Variants in MACO1 observed in about 807,000 individuals in gnomAD.
MACO1 encodes the protein macoilin.
In MACO1, 14 loss-of-function variants were observed where a neutral mutation model predicts 78.7. That is an observed-to-expected ratio of 0.18 (90% CI 0.12 to 0.28). The LOEUF is 0.28. Ranked by LOEUF, MACO1 falls within the 10% of genes least tolerant of loss-of-function variation. The pLI is 1.00. For missense variants in MACO1, 501 were observed against 799.0 expected (o/e 0.63, Z 4.50); for synonymous variants, 288 against 291.6 (o/e 0.99, Z 0.12).
intron 9 of MACO1, 156 bp from the exon 10 acceptor site, chr1:25,491,254 A>G (rs1176906337): frequency 2.5e-6 from 1 of 392,766 alleles, no homozygotes; most frequent in African/African-American, 2.2e-5. Flanking sequence ...TGCCATATAA[A>G]CACATTTAGC....
At chr1:25,479,449 T>C (rs1173613062) in intron 6 of MACO1, among the ~76,000 whole-genome samples, 1 of 152,212 alleles carries the variant, frequency 6.6e-6, no homozygotes, top group African/African-American at 2.4e-5. Context: ...AGTCTCTCTC[T>C]GTCGCCCAGA....
At chr1:25,444,352 A>G (rs2042997822) in intron 1 of MACO1, among the ~76,000 whole-genome samples, 1 of 149,950 alleles carries the variant, frequency 6.7e-6, no homozygotes, top group Non-Finnish European at 1.5e-5. Context: ...TTCCTACCTC[A>G]GCCTCCCAAA....
intron 1 of MACO1, among the ~76,000 whole-genome samples, chr1:25,437,411 CCT>C (rs1266354533): frequency 6.6e-6 from 1 of 150,570 alleles, no homozygotes; most frequent in East Asian, 2.0e-4. Flanking sequence ...CTCACCTTGA[CCT>C]CTCAAAGTAC....
intron 1 of MACO1, among the ~76,000 whole-genome samples, chr1:25,433,569 C>T (rs2042894243): frequency 6.6e-6 from 1 of 152,132 alleles, no homozygotes; most frequent in Non-Finnish European, 1.5e-5. Context: ...ATAGCCAAAC[C>T]TTTCATGGAC....
intron 3 of MACO1, 98 bp from the exon 4 acceptor site, chr1:25,454,161 T>C: frequency 3.7e-6 from 5 of 1,337,192 alleles, no homozygotes; most frequent in Non-Finnish European, 4.9e-6. Flanking sequence ...GTGAAGGTCT[T>C]AATGAAAGTT....
chr1:25,446,305 T>G (rs1479450197), intron 1 of MACO1, among the ~76,000 whole-genome samples: 1 of 152,188 alleles, frequency 6.6e-6, no homozygotes, highest in Non-Finnish European at 1.5e-5. Flanking sequence ...CAGAATTCTT[T>G]AAGCATGTAA....
intron 1 of MACO1, among the ~76,000 whole-genome samples, chr1:25,446,440 TGA>T (rs1181687346): frequency 2.0e-5 from 3 of 152,226 alleles, no homozygotes; most frequent in African/African-American, 7.2e-5. Flanking sequence ...GCTGTAATTT[TGA>T]GAGTGTTGCA....
intron 6 of MACO1, among the ~76,000 whole-genome samples, chr1:25,483,561 C>T (rs770771378): frequency 5.3e-5 from 8 of 152,150 alleles, no homozygotes; most frequent in East Asian, 1.9e-4. Context: ...TATTGAGTCT[C>T]GTGAGCTCTT....
intron 6 of MACO1, among the ~76,000 whole-genome samples, chr1:25,471,341 C>CAAA (rs34002682): frequency 1.6e-5 from 2 of 125,156 alleles, no homozygotes; most frequent in Non-Finnish European, 3.6e-5. Context: ...TCTGTCTCAA[C>CAAA]AAAAAAAAAA....
Position 25,485,548 on chromosome 1 carries a change from T to G in MACO1, c.1314-65T>G. 6.6e-7 allele frequency: 1 copy of G among 1,515,130 alleles called. No homozygotes were observed. Among genetic ancestry groups the G allele is most frequent in the South Asian group, 1.3e-5 (1 of 78,394 alleles). The allele number at this position is 1,515,130 out of a possible 1,614,324, so 93.9% of individuals were successfully genotyped here. On this transcript the variant is annotated intron_variant, in intron 7 of 10. Transcript: ENST00000374343. This position sits in a 1 kb window ranked among gnomAD's most constrained non-coding sequence, Gnocchi z 4.3. ...TGGCCTTAAGGTGATAAAGAGATGT[T>G]TCTCAAGGGTTTATAGTGGGCATTT...
intron 1 of MACO1, among the ~76,000 whole-genome samples, chr1:25,433,489 A>T (rs1204636916): frequency 6.6e-6 from 1 of 152,222 alleles, no homozygotes; most frequent in Non-Finnish European, 1.5e-5. Flanking sequence ...TTTTGGATTC[A>T]TTAAACAGAG....
rs559043438 is a variant in MACO1 at position 25,457,744 on chromosome 1, A to G, written c.653-647A>G. Among the ~76,000 whole-genome samples, 233 of 152,258 alleles carry G rather than the reference A, an allele frequency of 1.5e-3. 1 individual carries two copies. The highest frequency in any genetic ancestry group is 5.5e-3 in the African/African-American group (227 of 41,542). ...GTTTGAGGTCATGTTTTTATTTAAT[A>G]TATTTCAAAATTTTCTTTTTGTGTG... On this transcript the variant is annotated intron_variant, in intron 5 of 10. Coordinates refer to ENST00000374343, the MANE Select transcript of MACO1 (RefSeq NM_018202.6).
chr1:25,446,690 A>G (rs1223038348), intron 1 of MACO1, 72 bp from the exon 2 acceptor site: 18 of 1,442,428 alleles, frequency 1.2e-5, no homozygotes, highest in Admixed American at 4.8e-5. Flanking sequence ...TTTTAAACAG[A>G]AACAGTGAAT....
chr1:25,456,083 C>A (rs956136168), intron 4 of MACO1, among the ~76,000 whole-genome samples: 2 of 151,980 alleles, frequency 1.3e-5, no homozygotes, highest in African/African-American at 4.8e-5. Context: ...CATGGTGAAA[C>A]CCTGTCTCTA....
chr1:25,437,474 A>G (rs1330667612), intron 1 of MACO1, among the ~76,000 whole-genome samples: 3 of 152,116 alleles, frequency 2.0e-5, no homozygotes, highest in Admixed American at 6.5e-5. Flanking sequence ...TTAAAAACCA[A>G]ATAAATAGCT....
intron 10 of MACO1, 54 bp from the exon 11 acceptor site, chr1:25,498,210 A>T (rs555897546): frequency 6.8e-4 from 1,091 of 1,593,308 alleles, no homozygotes; most frequent in Non-Finnish European, 8.9e-4. Flanking sequence ...CCCTGGGGAC[A>T]TTGTGTTGGG....
intron 6 of MACO1, among the ~76,000 whole-genome samples, chr1:25,478,987 A>C (rs781158884): frequency 2.6e-5 from 4 of 152,214 alleles, no homozygotes; most frequent in Non-Finnish European, 5.9e-5. Flanking sequence ...CTTCTGGAGA[A>C]AACTACTCTT....
At chr1:25,484,819 C>G (rs546769312) in intron 7 of MACO1, among the ~76,000 whole-genome samples, 115 of 151,938 alleles carry the variant, frequency 7.6e-4, no homozygotes, top group Non-Finnish European at 1.3e-3. Flanking sequence ...AATGTGTGCC[C>G]GTGGTAGTGA....
intron 1 of MACO1, among the ~76,000 whole-genome samples, chr1:25,445,722 G>T (rs2124575404): frequency 6.6e-6 from 1 of 151,710 alleles, no homozygotes; most frequent in South Asian, 2.1e-4. Flanking sequence ...TGACTAATTT[G>T]ATCACATCAG....
Sources: allele counts gnomAD v4.1 joint callset (sites outside exome capture counted in the v4.1 genomes callset), GRCh38; gene constraint gnomAD v4.1.1; non-coding constraint Gnocchi (gnomAD v3.1); transcripts MANE v1.5; gene names NCBI Gene and HGNC (gene_info 2026-07-23, HGNC 2026-07-21).